The following CPSF3 variants were observed in gnomAD, a reference collection of about 807,000 sequenced individuals.
The protein encoded by CPSF3 is cleavage and polyadenylation specificity factor subunit 3.
Under a neutral mutation model 84.1 loss-of-function variants are expected in CPSF3, and 57 were observed. That is an observed-to-expected ratio of 0.68 (90% CI 0.55 to 0.85). The LOEUF is 0.85. Among genes scored for constraint, CPSF3 ranks in the 40% least tolerant of loss-of-function variants. CPSF3 has a pLI of 0.00. For synonymous variants in CPSF3, 275 were observed against 278.1 expected (o/e 0.99, Z 0.11); for missense variants, 522 against 838.8 (o/e 0.62, Z 4.66).
rs1159196641 is a variant in CPSF3 at position 9,473,036 on chromosome 2, ACTTTG to A, written c.*20_*24del. On this transcript the variant is annotated 3_prime_UTR_variant, in exon 18 of 18. Transcript: ENST00000238112. ...TCACTGAGACTGTGCCTGTATATGA[ACTTTG>A]AAAAAATACTTGACTCTACTTTTGT... The A allele has an allele frequency of 6.4e-7, 1 of 1,560,788 alleles. No homozygotes were observed. Among genetic ancestry groups the A allele is most frequent in the South Asian group, 1.1e-5 (1 of 89,086 alleles).
chr2:9,453,998 A>G (rs1184195925), intron 12 of CPSF3, among the ~76,000 whole-genome samples: 1 of 152,240 alleles, frequency 6.6e-6, no homozygotes, highest in African/African-American at 2.4e-5. Flanking sequence ...GTCTTTATAA[A>G]TTTACTGAGC....
At chr2:9,444,327 C>T (rs1681057751) in intron 10 of CPSF3, among the ~76,000 whole-genome samples, 3 of 151,486 alleles carry the variant, frequency 2.0e-5, no homozygotes, top group Non-Finnish European at 4.4e-5. Flanking sequence ...GGGGTTTCAC[C>T]GTCTTGGCCG....
chr2:9,441,409 C>T (rs1452651354), intron 8 of CPSF3, among the ~76,000 whole-genome samples: 1 of 152,188 alleles, frequency 6.6e-6, no homozygotes, highest in Non-Finnish European at 1.5e-5. Context: ...ATTTCCAGGC[C>T]AGCTCAAAAC....
At position 9,437,044 on chromosome 2, in the gene CPSF3, C is replaced by T. The variant is rs189842140; in HGVS notation, c.760+683C>T. ...AGCATTGTAGGAAAAAATTGTGTTACAGATGAGTAATTACATACTTTGCAC... is the reference window on the plus strand; with the variant it reads ...AGCATTGTAGGAAAAAATTGTGTTATAGATGAGTAATTACATACTTTGCAC... On this transcript the variant is annotated intron_variant, in intron 7 of 17. Coordinates refer to ENST00000238112, the MANE Select transcript of CPSF3 (RefSeq NM_016207.4). Among the ~76,000 whole-genome samples the T allele has an allele frequency of 3.9e-5, 6 of 152,180 alleles. No homozygotes were observed. The East Asian group carries it at 1.2e-3, about 29-fold the overall frequency.
At chr2:9,464,129 C>T (rs1000841644) in intron 15 of CPSF3, among the ~76,000 whole-genome samples, 1 of 151,936 alleles carries the variant, frequency 6.6e-6, no homozygotes, top group Non-Finnish European at 1.5e-5. Flanking sequence ...CATTCTTAAC[C>T]AAAGGGGAAA....
Position 9,467,715 on chromosome 2 carries a change from C to G in CPSF3, c.1795C>G (p.Gln599Glu). Residue 599 changes from glutamine (Q) to glutamate (E), a missense_variant, in exon 16 of 18, where the codon CAG becomes GAG. Physicochemically the swap from Gln to Glu is conservative, Grantham distance 29 (BLOSUM62 2). Coordinates refer to ENST00000238112, the MANE Select transcript of CPSF3 (RefSeq NM_016207.4). ...GCTTTTTTTTTTCCCAGGTGCAGTACAGAAGGTTTCTAAAAAATTAGAAAT... is the reference window on the plus strand; with the variant it reads ...GCTTTTTTTTTTCCCAGGTGCAGTAGAGAAGGTTTCTAAAAAATTAGAAAT... Reference protein sequence around the residue: ...SNPKIRKGAVQKVSKKLEMHV... With the variant: ...SNPKIRKGAVEKVSKKLEMHV... The G allele has an allele frequency of 6.3e-7, 1 of 1,583,892 alleles. No individual in the cohort carries two copies. Among genetic ancestry groups the G allele is most frequent in the Non-Finnish European group, 8.6e-7 (1 of 1,158,316 alleles).
chr2:9,446,600 A>C (rs57003355), intron 10 of CPSF3, among the ~76,000 whole-genome samples: 1 of 148,608 alleles, frequency 6.7e-6, no homozygotes, highest in South Asian at 2.1e-4. Context: ...AAAAAAAAAA[A>C]GTATAAAAAT....
At chr2:9,461,700 C>G (rs973513466) in intron 15 of CPSF3, among the ~76,000 whole-genome samples, 1 of 144,270 alleles carries the variant, frequency 6.9e-6, no homozygotes, top group African/African-American at 2.6e-5. Flanking sequence ...TCTTACTTAT[C>G]TTAGGTGGTA....
At chr2:9,457,495 T>C (rs914521330) in intron 14 of CPSF3, among the ~76,000 whole-genome samples, 1 of 152,100 alleles carries the variant, frequency 6.6e-6, no homozygotes, top group Admixed American at 6.6e-5. Flanking sequence ...CTGGAAAGGA[T>C]AGAAATTATT....
rs1021515507 is a variant in CPSF3 at position 9,423,921 on chromosome 2, C to T, written c.50+98C>T. On this transcript the variant is annotated intron_variant, in intron 1 of 17. Transcript: ENST00000238112. ...CCTCCGTCGCCCGCGCTCCCACCTACCCCGGCAGCCTGCCTTTGGTCCGCG... is the reference window on the plus strand; with the variant it reads ...CCTCCGTCGCCCGCGCTCCCACCTATCCCGGCAGCCTGCCTTTGGTCCGCG... The T allele has an allele frequency of 3.3e-6, 5 of 1,531,070 alleles. No individual in the cohort carries two copies. In the African/African-American group the frequency reaches 6.9e-5, roughly 21 times the overall value. 94.8% of individuals were successfully genotyped at this position (1,531,070 alleles called of 1,614,324 possible).
intron 1 of CPSF3, among the ~76,000 whole-genome samples, chr2:9,426,349 C>A (rs1322591278): frequency 6.6e-6 from 1 of 152,164 alleles, no homozygotes; most frequent in Non-Finnish European, 1.5e-5. Flanking sequence ...AGGAGCCAAC[C>A]ACATCAATAT....
chr2:9,450,022 G>A (rs527992400), intron 11 of CPSF3, among the ~76,000 whole-genome samples: 5 of 152,040 alleles, frequency 3.3e-5, no homozygotes, highest in African/African-American at 1.2e-4. Context: ...TTTGAGATGG[G>A]GTCACACTCT....
intron 15 of CPSF3, among the ~76,000 whole-genome samples, chr2:9,460,582 A>C (rs1681697964): frequency 6.6e-6 from 1 of 152,142 alleles, no homozygotes; most frequent in African/African-American, 2.4e-5. Flanking sequence ...ACAATTTGCA[A>C]CCAGAGAAAA....
At chr2:9,467,680 ACTCT>A (rs766874556) in intron 15 of CPSF3, 23 bp from the exon 16 acceptor site, 16 of 1,554,982 alleles carry the variant, frequency 1.0e-5, no homozygotes, top group Admixed American at 1.8e-5. Context: ...TAGAAACTGA[ACTCT>A]CTGTCGCTTT....
At chr2:9,423,920 A>T in intron 1 of CPSF3, 97 bp downstream of exon 1, 1 of 1,529,588 alleles carries the variant, frequency 6.5e-7, no homozygotes, top group South Asian at 1.2e-5. Flanking sequence ...GCTCCCACCT[A>T]CCCCGGCAGC....
intron 12 of CPSF3, among the ~76,000 whole-genome samples, chr2:9,454,745 C>T (rs879411656): frequency 1.1e-4 from 17 of 151,882 alleles, no homozygotes; most frequent in South Asian, 2.1e-4. Flanking sequence ...GGGGTTTCAC[C>T]GTGTTAGCCA....
intron 16 of CPSF3, among the ~76,000 whole-genome samples, chr2:9,468,708 C>T (rs1682060288): frequency 6.7e-6 from 1 of 149,160 alleles, no homozygotes; most frequent in African/African-American, 2.5e-5. Context: ...CTCACTGCAA[C>T]CTCCACCTCT....
intron 10 of CPSF3, among the ~76,000 whole-genome samples, chr2:9,447,459 AC>A (rs1681164611): frequency 6.6e-6 from 1 of 150,848 alleles, no homozygotes; most frequent in Non-Finnish European, 1.5e-5. Flanking sequence ...AGCCTGCGCA[AC>A]AGAGTGAGAC....
intron 12 of CPSF3, 44 bp from the exon 13 acceptor site, chr2:9,455,615 G>T: frequency 7.5e-7 from 1 of 1,334,528 alleles, no homozygotes; most frequent in Non-Finnish European, 1.1e-6. Context: ...TATGTGTTTT[G>T]TAGGACTAGT....
Sources: gnomAD v4.1 joint callset for allele counts (sites outside exome capture counted in the v4.1 genomes callset) on GRCh38, gnomAD v4.1.1 for gene constraint, MANE v1.5 for transcripts, NCBI Gene and HGNC (gene_info 2026-07-23, HGNC 2026-07-21) for gene names.